The following FAM110B variants were observed in gnomAD, a reference collection of about 807,000 sequenced individuals.
The protein encoded by FAM110B is family with sequence similarity 110 member B.
A neutral mutation model predicts 20.4 loss-of-function variants in FAM110B; 6 were observed. That is an observed-to-expected ratio of 0.29 (90% CI 0.16 to 0.58). The LOEUF (loss-of-function observed/expected upper bound fraction) is 0.58, where lower values mean the gene tolerates loss of function less well. FAM110B is among the 20% of genes least tolerant of loss of function. The probability of loss-of-function intolerance (pLI) is 0.90; values close to 1 mark genes in which losing one functional copy is unlikely to be tolerated. For missense variants in FAM110B, 434 were observed against 498.2 expected, an observed-to-expected ratio of 0.87 and a Z score of 1.23; for synonymous variants, 226 against 214.1, an observed-to-expected ratio of 1.06 and a Z score of -0.49.
intron 1 of FAM110B, among the ~76,000 whole-genome samples, chr8:58,004,975 G>A (rs535448967): frequency 1.3e-5 from 2 of 152,326 alleles, no homozygotes; most frequent in East Asian, 3.9e-4. Context: ...GTTAGCTGGA[G>A]TAGCAGTTTA....
intron 3 of FAM110B, among the ~76,000 whole-genome samples, chr8:58,120,876 A>C (rs1807342561): frequency 6.6e-6 from 1 of 152,202 alleles, no homozygotes; most frequent in African/African-American, 2.4e-5. Flanking sequence ...GAATCCCCTG[A>C]GGCCCATTCC....
intron 1 of FAM110B, among the ~76,000 whole-genome samples, chr8:57,999,511 G>A (rs1017564021): frequency 6.6e-6 from 1 of 150,944 alleles, no homozygotes; most frequent in Non-Finnish European, 1.5e-5. Flanking sequence ...GATCATTCTC[G>A]CCAGTGATTT....
chr8:58,108,695 G>A (rs1806979700), intron 3 of FAM110B, among the ~76,000 whole-genome samples: 1 of 152,144 alleles, frequency 6.6e-6, no homozygotes, highest in Non-Finnish European at 1.5e-5. Context: ...GTCTCATCCG[G>A]GGGCGGTGAA....
intron 2 of FAM110B, among the ~76,000 whole-genome samples, chr8:58,066,339 G>A (rs1805760958): frequency 6.6e-6 from 1 of 152,192 alleles, no homozygotes; most frequent in Admixed American, 6.5e-5. Flanking sequence ...GGGCTGATGC[G>A]CAGGTACTGG....
intron 1 of FAM110B, among the ~76,000 whole-genome samples, chr8:58,006,901 G>GTATATATATATATATATATATA (rs761091750): frequency 0.047 from 4,477 of 95,792 alleles, 282 homozygotes; most frequent in Non-Finnish European, 0.072. Flanking sequence ...GGCTTAATTG[G>GTATATATATATATATATATATA]TATATATATA....
intron 2 of FAM110B, among the ~76,000 whole-genome samples, chr8:58,060,274 A>G (rs765041287): frequency 6.6e-6 from 1 of 152,196 alleles, no homozygotes; most frequent in Non-Finnish European, 1.5e-5. Context: ...TGATTCTGAC[A>G]TTGAATTTTG....
intron 1 of FAM110B, among the ~76,000 whole-genome samples, chr8:58,009,466 G>A (rs562845015): frequency 2.7e-4 from 41 of 152,190 alleles, no homozygotes; most frequent in Non-Finnish European, 5.1e-4. Context: ...TCCTGAAAGT[G>A]TAAGAACATG....
At chr8:58,101,547 A>C (rs1052122062) in intron 3 of FAM110B, among the ~76,000 whole-genome samples, 1 of 152,186 alleles carries the variant, frequency 6.6e-6, no homozygotes, top group Admixed American at 6.5e-5. Flanking sequence ...ATTTTAACCC[A>C]AAAATAGCTT....
chr8:58,111,657 A>T (rs1312831032), intron 3 of FAM110B, among the ~76,000 whole-genome samples: 1 of 152,236 alleles, frequency 6.6e-6, no homozygotes, highest in Admixed American at 6.5e-5. Context: ...ACTACTTTTA[A>T]AAGATTCCAT....
At chr8:58,008,537 C>A (rs938670899) in intron 1 of FAM110B, among the ~76,000 whole-genome samples, 1 of 152,194 alleles carries the variant, frequency 6.6e-6, no homozygotes, top group Non-Finnish European at 1.5e-5. Flanking sequence ...ATGAGTAAAT[C>A]TGGGTAATTA....
At chr8:58,070,368 T>C (rs948591511) in intron 2 of FAM110B, 2 of 152,216 alleles carry the variant, frequency 1.3e-5, no homozygotes, top group Non-Finnish European at 2.9e-5. Flanking sequence ...GGGAGGTCAG[T>C]GAAGGAGGCT....
chr8:58,124,475 G>A (rs1807443208), intron 3 of FAM110B, among the ~76,000 whole-genome samples: 1 of 152,190 alleles, frequency 6.6e-6, no homozygotes, highest in African/African-American at 2.4e-5. Context: ...CGCTGCACAG[G>A]CAACCTTTTT....
At chr8:58,031,108 T>G (rs1804953996) in intron 1 of FAM110B, among the ~76,000 whole-genome samples, 1 of 152,196 alleles carries the variant, frequency 6.6e-6, no homozygotes, top group Non-Finnish European at 1.5e-5. Context: ...TTCGTGACCT[T>G]GGGTCTGAAC....
chr8:58,138,704 C>A (rs1282841527), intron 3 of FAM110B, among the ~76,000 whole-genome samples: 7 of 152,226 alleles, frequency 4.6e-5, no homozygotes, highest in Admixed American at 4.6e-4. Flanking sequence ...CAAACTGTAC[C>A]CAGTCCACTC....
chr8:58,112,155 G>A (rs1383531614), intron 3 of FAM110B, among the ~76,000 whole-genome samples: 1 of 151,920 alleles, frequency 6.6e-6, no homozygotes, highest in Non-Finnish European at 1.5e-5. Context: ...GTGAAACCCT[G>A]TCTGTACTAA....
At chr8:58,066,727 G>C (rs187362080) in intron 2 of FAM110B, among the ~76,000 whole-genome samples, 47 of 152,204 alleles carry the variant, frequency 3.1e-4, no homozygotes, top group African/African-American at 1.0e-3. Flanking sequence ...CCTGGCTTGC[G>C]TTGACTAGGG....
intron 1 of FAM110B, among the ~76,000 whole-genome samples, chr8:58,027,636 A>T (rs555242009): frequency 6.6e-6 from 1 of 152,122 alleles, no homozygotes; most frequent in Admixed American, 6.6e-5. Flanking sequence ...CCAATCATTG[A>T]TGTGCTTTCT....
chr8:58,002,780 A>G (rs1804324526), intron 1 of FAM110B, among the ~76,000 whole-genome samples: 3 of 152,244 alleles, frequency 2.0e-5, no homozygotes, highest in Non-Finnish European at 2.9e-5. Context: ...TTGCTAAAAA[A>G]TGCTGATGAT....
chr8:58,083,340 T>A (rs1341373947), intron 3 of FAM110B, among the ~76,000 whole-genome samples: 1 of 152,204 alleles, frequency 6.6e-6, no homozygotes, highest in African/African-American at 2.4e-5. Context: ...TGCAGAATGG[T>A]AAGAACTTGG....
Sources: gnomAD v4.1 joint callset for allele counts (sites outside exome capture counted in the v4.1 genomes callset) on GRCh38, gnomAD v4.1.1 for gene constraint, MANE v1.5 for transcripts, NCBI Gene and HGNC (gene_info 2026-07-23, HGNC 2026-07-21) for gene names.